The following CTNNA1 variants were observed in gnomAD, a reference collection of about 807,000 sequenced individuals.
CTNNA1 encodes the protein catenin alpha 1, also known as catenin alpha-1.
In CTNNA1, 37 loss-of-function variants were observed where a neutral mutation model predicts 98.4. The ratio of observed to expected loss-of-function variants is 0.38; its 90% CI spans 0.29 to 0.49. The LOEUF is 0.49. CTNNA1 is among the 20% of genes least tolerant of loss of function. The probability of loss-of-function intolerance (pLI) is 0.95; values close to 1 mark genes in which losing one functional copy is unlikely to be tolerated. For missense variants in CTNNA1, 761 were observed against 1,147.2 expected, an observed-to-expected ratio of 0.66 and a Z score of 4.86; for synonymous variants, 404 against 413.2, an observed-to-expected ratio of 0.98 and a Z score of 0.27.
intron 7 of CTNNA1, among the ~76,000 whole-genome samples, chr5:138,879,171 TAAAAAAAAAAAA>T (rs35271091): frequency 5.0e-5 from 4 of 80,318 alleles, no homozygotes; most frequent in Non-Finnish European, 9.0e-5. Flanking sequence ...ACTCCGTCTT[TAAAAAAAAAAAA>T]AAAAAAAAAA....
intron 11 of CTNNA1, among the ~76,000 whole-genome samples, chr5:138,920,586 C>T (rs1386707802): frequency 2.0e-5 from 3 of 152,238 alleles, no homozygotes; most frequent in Non-Finnish European, 2.9e-5. Context: ...AGCAGGGATG[C>T]ACCCTGACTT....
intron 7 of CTNNA1, among the ~76,000 whole-genome samples, chr5:138,857,548 C>G (rs1042110743): frequency 2.0e-5 from 3 of 152,260 alleles, no homozygotes; most frequent in African/African-American, 7.2e-5. Flanking sequence ...AACTCCTGGC[C>G]TCAAGCAGTC....
intron 6 of CTNNA1, 91 bp from the exon 7 acceptor site, chr5:138,827,424 A>C: frequency 7.0e-7 from 1 of 1,427,454 alleles, no homozygotes; most frequent in Non-Finnish European, 9.6e-7. Context: ...TTTTTGTGTT[A>C]AATCTTGATA....
At chr5:138,926,392 T>C (rs1324925643) in intron 13 of CTNNA1, among the ~76,000 whole-genome samples, 1 of 152,248 alleles carries the variant, frequency 6.6e-6, no homozygotes, top group Non-Finnish European at 1.5e-5. Flanking sequence ...ACAGTGCAGA[T>C]GGCCACAGCC....
intron 7 of CTNNA1, among the ~76,000 whole-genome samples, chr5:138,839,091 T>G (rs1762050127): frequency 6.6e-6 from 1 of 152,266 alleles, no homozygotes; most frequent in Non-Finnish European, 1.5e-5. Context: ...TCTAATTCCA[T>G]ATGGTCAGAG....
In CTNNA1 at chr5:138,753,470, T is replaced by A; in HGVS notation, c.-43T>A. 2.7e-6 allele frequency: 1 copy of A among 377,252 alleles called. No homozygotes were observed. Among genetic ancestry groups the A allele is most frequent in the Non-Finnish European group, 4.7e-6 (1 of 212,268 alleles). The allele number at this position is 377,252 out of a possible 1,614,324, so 23.4% of individuals were successfully genotyped here. A position where few individuals can be genotyped will look rare whatever the true frequency, so the allele number is the denominator to read the frequency against. On this transcript the variant is annotated 5_prime_UTR_variant, in exon 1 of 18. Coordinates refer to ENST00000302763, the MANE Select transcript of CTNNA1 (RefSeq NM_001903.5). ...GGGAGACAAAGCAGCGCCCGTCTGC[T>A]TCGGGCCTCTGGAATTTAGCGCTCG...
At chr5:138,822,334 C>T (rs997211714) in intron 5 of CTNNA1, among the ~76,000 whole-genome samples, 6 of 152,158 alleles carry the variant, frequency 3.9e-5, no homozygotes, top group African/African-American at 1.4e-4. Context: ...CAGGCAGTGG[C>T]TTAGGAAAGT....
At chr5:138,909,728 T>G (rs902663803) in intron 10 of CTNNA1, among the ~76,000 whole-genome samples, 1 of 152,216 alleles carries the variant, frequency 6.6e-6, no homozygotes, top group Non-Finnish European at 1.5e-5. Flanking sequence ...TAGATTTATC[T>G]TCCATATTGC....
intron 7 of CTNNA1, among the ~76,000 whole-genome samples, chr5:138,876,298 A>T (rs1751503481): frequency 6.6e-6 from 1 of 152,244 alleles, no homozygotes; most frequent in Admixed American, 6.5e-5. Context: ...CAAGTGGCTG[A>T]CTTAACTGAG....
chr5:138,754,479 G>A (rs1240271125), intron 1 of CTNNA1: 2 of 152,246 alleles, frequency 1.3e-5, no homozygotes, highest in East Asian at 3.9e-4. Context: ...ATTTGGAAAA[G>A]AGCGAGATAT....
chr5:138,867,365 A>T (rs1764884920), intron 7 of CTNNA1, among the ~76,000 whole-genome samples: 1 of 152,184 alleles, frequency 6.6e-6, no homozygotes, highest in Non-Finnish European at 1.5e-5. Context: ...GAGAAACAAT[A>T]AGTGCATCTG....
rs1386421255 is a variant in CTNNA1, at chr5:138,934,982, G to GT, written c.*899dup. 6 of 152,364 alleles carry GT rather than the reference G, an allele frequency of 3.9e-5. No homozygotes were observed. The highest frequency in any genetic ancestry group is 1.2e-4 in the African/African-American group (5 of 41,576). 9.4% of individuals were successfully genotyped at this position (152,364 alleles called of 1,614,324 possible). A position where few individuals can be genotyped will look rare whatever the true frequency, so the allele number is the denominator to read the frequency against. ...TTAAATTTTATGAATTAATTTGAAT[G>GT]TTTTTTACACTAACTAACTTTTCCC... On this transcript the variant is annotated 3_prime_UTR_variant, in exon 18 of 18. Coordinates refer to ENST00000302763, the MANE Select transcript of CTNNA1 (RefSeq NM_001903.5).
At chr5:138,828,385 G>A (rs1246541082) in intron 7 of CTNNA1, among the ~76,000 whole-genome samples, 1 of 151,770 alleles carries the variant, frequency 6.6e-6, no homozygotes, top group African/African-American at 2.4e-5. Flanking sequence ...TTTTTAAAAG[G>A]CCATAGAAAA....
At chr5:138,837,105 A>G (rs1761851659) in intron 7 of CTNNA1, among the ~76,000 whole-genome samples, 1 of 152,128 alleles carries the variant, frequency 6.6e-6, no homozygotes, top group South Asian at 2.1e-4. Flanking sequence ...TTCATTCAGG[A>G]CTAGTTTGGC....
At chr5:138,759,402 C>T (rs1352508798) in intron 1 of CTNNA1, among the ~76,000 whole-genome samples, 1 of 152,138 alleles carries the variant, frequency 6.6e-6, no homozygotes, top group Non-Finnish European at 1.5e-5. Context: ...AACTTTTTTC[C>T]TTATCTCCCC....
chr5:138,827,924 TA>T (rs1760880603), intron 7 of CTNNA1: 1 of 588,406 alleles, frequency 1.7e-6, no homozygotes, highest in South Asian at 2.1e-5. Flanking sequence ...TTTCAACTTA[TA>T]AAAATCATAC....
At chr5:138,892,948 G>A (rs1466311071) in intron 9 of CTNNA1, among the ~76,000 whole-genome samples, 8 of 152,082 alleles carry the variant, frequency 5.3e-5, no homozygotes, top group East Asian at 1.9e-4. Context: ...CCCGGGAGGC[G>A]GAGGTTGCAG....
chr5:138,852,867 G>GTGCA (rs1554089801), intron 7 of CTNNA1, among the ~76,000 whole-genome samples: 5 of 28,904 alleles, frequency 1.7e-4, no homozygotes, highest in East Asian at 4.2e-3. Flanking sequence ...TTTCGCGCGC[G>GTGCA]CGCGCACACA....
chr5:138,837,953 C>T (rs1761949975), intron 7 of CTNNA1, among the ~76,000 whole-genome samples: 1 of 151,776 alleles, frequency 6.6e-6, no homozygotes, highest in Non-Finnish European at 1.5e-5. Flanking sequence ...CGCATGGCCC[C>T]AGAGCCTAAA....
Sources: gnomAD v4.1 joint callset for allele counts (sites outside exome capture counted in the v4.1 genomes callset) on GRCh38, gnomAD v4.1.1 for gene constraint, MANE v1.5 for transcripts, NCBI Gene and HGNC (gene_info 2026-07-23, HGNC 2026-07-21) for gene names.